Variants in CCDC85A observed in about 807,000 individuals in gnomAD.
CCDC85A encodes the protein coiled-coil domain-containing protein 85A.
Under a neutral mutation model 50.2 loss-of-function variants are expected in CCDC85A, and 38 were observed. That is an observed-to-expected ratio of 0.76 (90% CI 0.58 to 0.99). The LOEUF is 0.99. CCDC85A is among the 50% of genes least tolerant of loss of function. The pLI is 0.00. For missense variants in CCDC85A, 820 were observed against 742.0 expected (o/e 1.11, Z -1.22); for synonymous variants, 366 against 301.4 (o/e 1.21, Z -2.22).
chr2:56,304,633 G>C (rs1376722166), intron 2 of CCDC85A, among the ~76,000 whole-genome samples: 5 of 152,118 alleles, frequency 3.3e-5, no homozygotes, highest in Non-Finnish European at 7.3e-5. Context: ...AAAAAATAGG[G>C]TTCACCTACT....
At chr2:56,306,913 G>T (rs1365096492) in intron 2 of CCDC85A, among the ~76,000 whole-genome samples, 4 of 151,974 alleles carry the variant, frequency 2.6e-5, no homozygotes, top group African/African-American at 9.7e-5. Context: ...CTGTTACCAT[G>T]TTAGGAAGAC....
intron 2 of CCDC85A, among the ~76,000 whole-genome samples, chr2:56,275,697 A>G (rs1450398773): frequency 1.3e-5 from 2 of 152,194 alleles, no homozygotes; most frequent in Admixed American, 1.3e-4. Context: ...TGACTGTCTG[A>G]TGTAATATTT....
intron 3 of CCDC85A, among the ~76,000 whole-genome samples, chr2:56,362,422 A>AAT (rs200108289): frequency 7.6e-4 from 116 of 151,644 alleles, no homozygotes; most frequent in African/African-American, 1.8e-3. Flanking sequence ...GGAAGAATGA[A>AAT]ATATATATAT....
chr2:56,323,277 A>G (rs1235381738), intron 2 of CCDC85A, among the ~76,000 whole-genome samples: 1 of 152,170 alleles, frequency 6.6e-6, no homozygotes, highest in African/African-American at 2.4e-5. Flanking sequence ...CATGTGCTCT[A>G]GAACTTAAAG....
At chr2:56,318,474 C>T (rs918510528) in intron 2 of CCDC85A, among the ~76,000 whole-genome samples, 27 of 151,976 alleles carry the variant, frequency 1.8e-4, no homozygotes, top group Non-Finnish European at 3.1e-4. Context: ...TCCAGTCATT[C>T]CTTCAGTGCA....
At chr2:56,215,138 A>G (rs980536594) in intron 2 of CCDC85A, among the ~76,000 whole-genome samples, 7 of 151,930 alleles carry the variant, frequency 4.6e-5, no homozygotes, top group African/African-American at 1.2e-4. Flanking sequence ...GCTATCATAA[A>G]TGATACTTTT....
At chr2:56,323,976 G>T (rs1329998121) in intron 2 of CCDC85A, among the ~76,000 whole-genome samples, 8 of 152,082 alleles carry the variant, frequency 5.3e-5, no homozygotes, top group Non-Finnish European at 1.2e-4. Context: ...TTTATGGAAA[G>T]ATATATACGT....
In CCDC85A at chr2:56,189,297, G is replaced by GTTTTTTTTTTTTTTTTTTTTTTTTTT. The variant is rs70955011; in HGVS notation, c.277-3165_277-3164insTTTTTTTTTTTTTTTTTTTTTTTTTT. Among the ~76,000 whole-genome samples, 26 of 121,948 alleles carry GTTTTTTTTTTTTTTTTTTTTTTTTTT rather than the reference G, an allele frequency of 2.1e-4. 2 individuals are homozygous for GTTTTTTTTTTTTTTTTTTTTTTTTTT. The highest frequency in any genetic ancestry group is 8.2e-4 in the African/African-American group (24 of 29,218). The allele number at this position is 121,948 out of a possible 152,430, so 80.0% of individuals were successfully genotyped here. On this transcript the variant is annotated intron_variant, in intron 1 of 5. Transcript: ENST00000407595. ...AAAACATGCACGGGGTATTTTTGGT[G>GTTTTTTTTTTTTTTTTTTTTTTTTTT]TTTTTTTTTTTTTTTGAGACAAGGT...
At chr2:56,369,630 T>C (rs555569297) in intron 3 of CCDC85A, among the ~76,000 whole-genome samples, 1 of 152,164 alleles carries the variant, frequency 6.6e-6, no homozygotes, top group African/African-American at 2.4e-5. Context: ...CACTTCATAC[T>C]TTATTACTGA....
chr2:56,303,341 C>T (rs1672291708), intron 2 of CCDC85A, among the ~76,000 whole-genome samples: 2 of 152,080 alleles, frequency 1.3e-5, no homozygotes, highest in Non-Finnish European at 2.9e-5. Flanking sequence ...AGACATAATA[C>T]TGGACGATGA....
chr2:56,262,097 A>G (rs1670242866), intron 2 of CCDC85A, among the ~76,000 whole-genome samples: 1 of 152,142 alleles, frequency 6.6e-6, no homozygotes, highest in South Asian at 2.1e-4. Flanking sequence ...TTTCAGCCCA[A>G]TTTCAGGTGG....
intron 2 of CCDC85A, among the ~76,000 whole-genome samples, chr2:56,270,652 GT>G (rs1472270079): frequency 1.3e-5 from 2 of 152,142 alleles, no homozygotes; most frequent in South Asian, 2.1e-4. Flanking sequence ...TCTCGTTTTA[GT>G]TTTTTAACTT....
At chr2:56,229,042 C>G (rs545406750) in intron 2 of CCDC85A, among the ~76,000 whole-genome samples, 1 of 152,298 alleles carries the variant, frequency 6.6e-6, no homozygotes, top group South Asian at 2.1e-4. Flanking sequence ...CTTTGAACTT[C>G]TGCTGGCTTT....
intron 2 of CCDC85A, among the ~76,000 whole-genome samples, chr2:56,297,892 C>A (rs7603700): frequency 0.052 from 7,849 of 152,076 alleles, 691 homozygotes; most frequent in African/African-American, 0.18. Flanking sequence ...AGGGGTGTAA[C>A]CAGGGTTGTG....
At chr2:56,217,293 C>T (rs1024428403) in intron 2 of CCDC85A, among the ~76,000 whole-genome samples, 11 of 151,920 alleles carry the variant, frequency 7.2e-5, no homozygotes, top group Non-Finnish European at 1.5e-4. Context: ...AGTGGGCCTC[C>T]CCCTGGAGGC....
At chr2:56,266,296 G>A (rs915911289) in intron 2 of CCDC85A, among the ~76,000 whole-genome samples, 2 of 152,160 alleles carry the variant, frequency 1.3e-5, no homozygotes, top group East Asian at 1.9e-4. Flanking sequence ...AGAATGTGGT[G>A]TGCTGGTATG....
Position 56,384,429 on chromosome 2 carries a change from G to A in CCDC85A, c.*74G>A. The stretch of plus-strand genomic sequence containing the variant: ...AAGACAAGAAGAAAAAGGAAAGAGT[G>A]GGTTTCCACAAACCTGGACTCATGG... On this transcript the variant is annotated 3_prime_UTR_variant, in exon 6 of 6. Transcript: ENST00000407595. The A allele has an allele frequency of 1.5e-6, 2 of 1,309,198 alleles. No individual in the cohort carries two copies. Among genetic ancestry groups the A allele is most frequent in the Non-Finnish European group, 2.2e-6 (2 of 910,256 alleles). The allele number at this position is 1,309,198 out of a possible 1,614,324, so 81.1% of individuals were successfully genotyped here.
intron 2 of CCDC85A, among the ~76,000 whole-genome samples, chr2:56,306,410 A>T (rs1672450047): frequency 6.6e-6 from 1 of 152,100 alleles, no homozygotes; most frequent in Non-Finnish European, 1.5e-5. Flanking sequence ...TTACAGGTGT[A>T]AGCCGCTGTG....
At chr2:56,318,603 T>C (rs1382565397) in intron 2 of CCDC85A, among the ~76,000 whole-genome samples, 3 of 152,160 alleles carry the variant, frequency 2.0e-5, no homozygotes, top group Non-Finnish European at 4.4e-5. Flanking sequence ...TGCATAAATA[T>C]ACTGTTTATT....
Sources: allele counts gnomAD v4.1 joint callset (sites outside exome capture counted in the v4.1 genomes callset), GRCh38; gene constraint gnomAD v4.1.1; transcripts MANE v1.5; gene names NCBI Gene and HGNC (gene_info 2026-07-23, HGNC 2026-07-21).